SRSF4: variants seen among roughly 807,000 people sequenced by gnomAD.
SRSF4 encodes serine/arginine-rich splicing factor 4.
SRSF4 carries 12 observed loss-of-function variants against 48.8 expected under a neutral mutation model. The observed-to-expected ratio is 0.25, with a 90% CI of 0.16 to 0.40. The LOEUF (loss-of-function observed/expected upper bound fraction) is 0.40, where lower values mean the gene tolerates loss of function less well. SRSF4 is among the 10% of genes least tolerant of loss of function. The probability of loss-of-function intolerance (pLI) is 1.00; values close to 1 mark genes in which losing one functional copy is unlikely to be tolerated. For missense variants in SRSF4, 466 were observed against 667.1 expected, an observed-to-expected ratio of 0.70 and a Z score of 3.32; for synonymous variants, 248 against 232.5, an observed-to-expected ratio of 1.07 and a Z score of -0.61.
At chr1:29,161,030 T>C (rs1672587124) in intron 1 of SRSF4, among the ~76,000 whole-genome samples, 1 of 152,188 alleles carries the variant, frequency 6.6e-6, no homozygotes. Context: ...CACATGTGAT[T>C]ATCAGTGAAA....
intron 1 of SRSF4, chr1:29,172,801 A>C (rs1235611543): frequency 1.3e-5 from 2 of 152,240 alleles, no homozygotes; most frequent in East Asian, 3.8e-4. Flanking sequence ...AAAAATGCAA[A>C]CAAAGTTTTA....
chr1:29,166,173 A>C lies in SRSF4; in HGVS notation c.108-5656T>G, dbSNP rs150851139. The C allele has an allele frequency of 1.2e-4, 18 of 152,300 alleles. No homozygotes were observed. In the East Asian group the frequency reaches 1.9e-3, roughly 16 times the overall value. The allele number at this position is 152,300 out of a possible 1,614,324, so 9.4% of individuals were successfully genotyped here. ...CTTTAAGGGGAAAGTCCTTAAATCT[A>C]CCCTGAAAGAAATGGCATTCAGTGA... is the stretch of plus-strand genomic sequence containing the variant. On this transcript the variant is annotated intron_variant, in intron 1 of 5. Transcript: ENST00000373795.
intron 1 of SRSF4, chr1:29,170,385 CCA>C (rs1304875573): frequency 2.6e-5 from 4 of 152,156 alleles, no homozygotes; most frequent in Admixed American, 1.3e-4. Context: ...CTACCTGATT[CCA>C]CACAAAAGCT....
intron 1 of SRSF4, among the ~76,000 whole-genome samples, chr1:29,162,753 T>C (rs1401885930): frequency 6.6e-6 from 1 of 152,180 alleles, no homozygotes; most frequent in Non-Finnish European, 1.5e-5. Context: ...TAGAAGGACA[T>C]CACCGAATCC....
At chr1:29,170,268 G>GA (rs1672728443) in intron 1 of SRSF4, 1 of 152,120 alleles carries the variant, frequency 6.6e-6, no homozygotes. Context: ...CTCGAGAGAT[G>GA]AAAGTCACAT....
chr1:29,181,601 TG>T lies in SRSF4; in HGVS notation c.107+44del, dbSNP rs1381943656. 4.6e-6 allele frequency: 7 copies of T among 1,513,352 alleles called. No individual in the cohort carries two copies. The East Asian group carries it at 1.9e-4, about 40-fold the overall frequency. 93.7% of individuals were successfully genotyped at this position (1,513,352 alleles called of 1,614,324 possible). A position where few individuals can be genotyped will look rare whatever the true frequency, so the allele number is the denominator to read the frequency against. On this transcript the variant is annotated intron_variant, in intron 1 of 5. Coordinates refer to ENST00000373795, the MANE Select transcript of SRSF4 (RefSeq NM_005626.5). ...GTCCCCGCGGCCTCCCCACCACCTA[TG>T]GGGTCTGTCCCCGCCCGGCCGGACC...
Position 29,181,793 on chromosome 1 carries a change from C to A in SRSF4, c.-41G>T, listed in dbSNP as rs746409710. 4.0e-6 allele frequency: 6 copies of A among 1,506,604 alleles called. No homozygotes were observed. Among genetic ancestry groups the A allele is most frequent in the South Asian group, 3.7e-5 (3 of 80,996 alleles). The allele number at this position is 1,506,604 out of a possible 1,614,324, so 93.3% of individuals were successfully genotyped here. On this transcript the variant is annotated 5_prime_UTR_variant, in exon 1 of 6. Coordinates refer to ENST00000373795, the MANE Select transcript of SRSF4 (RefSeq NM_005626.5). ...GATGGCTGGCCCCGGCCCCAGCCCC[C>A]CTTAGGCGGCGGCGGGCAAAGCGAG...
chr1:29,173,962 GC>G (rs771443722), intron 1 of SRSF4, among the ~76,000 whole-genome samples: 1 of 151,686 alleles, frequency 6.6e-6, no homozygotes, highest in African/African-American at 2.4e-5. Context: ...GATGAGGTGG[GC>G]GGATCACCTG....
rs1442820481 is a variant in SRSF4, at chr1:29,154,099, G to A, written c.578+597C>T. ...ATGGAGTTTCGCTCTTGTTGCCCAG[G>A]CTGGAGTGCAATGGCACAATCTCGG... On this transcript the variant is annotated intron_variant, in intron 4 of 5. Transcript: ENST00000373795. 2.0e-5 allele frequency among the ~76,000 whole-genome samples: 3 copies of A among 152,148 alleles called. No individual in the cohort carries two copies. In the East Asian group the frequency reaches 5.8e-4, roughly 29 times the overall value.
chr1:29,163,243 G>A (rs1406942023), intron 1 of SRSF4, among the ~76,000 whole-genome samples: 1 of 152,154 alleles, frequency 6.6e-6, no homozygotes, highest in Non-Finnish European at 1.5e-5. Flanking sequence ...TGGTAAGCCT[G>A]TTTTGGGGGT....
rs529440197 is a variant in SRSF4, at chr1:29,152,485, C to A, written c.578+2211G>T. ...ACTACTCTTCCATTCTTGCTCTGGC[C>A]TAATGGTCAGTATATCTGGTCCTTC... On this transcript the variant is annotated intron_variant, in intron 4 of 5. Transcript: ENST00000373795. Among the ~76,000 whole-genome samples the A allele has an allele frequency of 2.2e-4, 33 of 152,260 alleles. No individual in the cohort carries two copies. In the South Asian group the frequency reaches 6.4e-3, roughly 30 times the overall value.
intron 1 of SRSF4, among the ~76,000 whole-genome samples, chr1:29,178,375 T>G (rs999357428): frequency 7.8e-5 from 9 of 115,008 alleles, no homozygotes; most frequent in Non-Finnish European, 1.9e-4. Flanking sequence ...AGACAGAGTC[T>G]CGCTGTCGCC....
Position 29,149,092 on chromosome 1 carries a change from T to C in SRSF4, c.803A>G (p.Lys268Arg), listed in dbSNP as rs1318589878. The C allele has an allele frequency of 1.9e-6, 3 of 1,613,284 alleles. No individual in the cohort carries two copies. Among genetic ancestry groups the C allele is most frequent in the Non-Finnish European group, 1.7e-6 (2 of 1,179,900 alleles). ...CTTCTCTTCAGCTTGGTCTTTGCTC[T>C]TGCTGCGGCTCTTGCCAGCGCTATG... The part of the protein sequence containing the change: ...RSHSAGKSRS[K>R]SKDQAEEKIQ... Residue 268 changes from lysine (K) to arginine (R), a missense_variant, in exon 6 of 6, where the codon AAG (lysine) becomes AGG (arginine). Physicochemically the swap from Lys to Arg is conservative, Grantham distance 26 (BLOSUM62 2). Around this residue, in one of 2 missense-constraint regions of SRSF4, gnomAD observed 402 missense variants for 437.0 expected, o/e 0.92. Coordinates refer to ENST00000373795, the MANE Select transcript of SRSF4 (RefSeq NM_005626.5).
chr1:29,168,228 A>G (rs1355355726), intron 1 of SRSF4, among the ~76,000 whole-genome samples: 1 of 141,336 alleles, frequency 7.1e-6, no homozygotes, highest in Non-Finnish European at 1.5e-5. Flanking sequence ...ACAGGGTTTC[A>G]CCATGTTGCC....
intron 1 of SRSF4, among the ~76,000 whole-genome samples, chr1:29,167,188 T>C (rs2151818824): frequency 6.6e-6 from 1 of 152,356 alleles, no homozygotes; most frequent in African/African-American, 2.4e-5. Flanking sequence ...CATTTTTTTG[T>C]TTAGAAGTCT....
chr1:29,159,594 T>C (rs1248559808), intron 2 of SRSF4, 108 bp from the exon 3 acceptor site: 1 of 594,402 alleles, frequency 1.7e-6, no homozygotes. Context: ...CCCCAAACAA[T>C]AGCACGTTTT....
At chr1:29,177,741 T>G (rs528005158) in intron 1 of SRSF4, among the ~76,000 whole-genome samples, 1 of 152,158 alleles carries the variant, frequency 6.6e-6, no homozygotes, top group East Asian at 1.9e-4. Flanking sequence ...ACATTAGCGA[T>G]GCCTGGTGTA....
chr1:29,152,577 T>C (rs1430690940), intron 4 of SRSF4, among the ~76,000 whole-genome samples: 3 of 152,088 alleles, frequency 2.0e-5, no homozygotes, highest in African/African-American at 2.4e-5. Context: ...TCTGGAAAAC[T>C]TTCTCCTGCC....
At position 29,164,096 on chromosome 1, in the gene SRSF4, C is replaced by T. The variant is rs138356275; in HGVS notation, c.108-3579G>A. On this transcript the variant is annotated intron_variant, in intron 1 of 5. Coordinates refer to ENST00000373795, the MANE Select transcript of SRSF4 (RefSeq NM_005626.5). ...GAACTCCTGGGATCAAGGGATCCTG[C>T]GGCTTCAGCCTCCCAAGTAGCTGGG... Among the ~76,000 whole-genome samples, 429 of 152,298 alleles carry T rather than the reference C, an allele frequency of 2.8e-3. 1 individual carries two copies. Among genetic ancestry groups the T allele is most frequent in the Non-Finnish European group, 5.1e-3 (347 of 68,030 alleles).
Sources: gnomAD v4.1 joint callset for allele counts (sites outside exome capture counted in the v4.1 genomes callset) on GRCh38, gnomAD v4.1.1 for gene constraint, gnomAD v4.1.1 regional missense constraint, MANE v1.5 for transcripts, NCBI Gene and HGNC (gene_info 2026-07-23, HGNC 2026-07-21) for gene names.